The following ARFGEF3 variants were observed in gnomAD, a reference collection of about 807,000 sequenced individuals.
ARFGEF3 encodes brefeldin A-inhibited guanine nucleotide-exchange protein 3.
Under a neutral mutation model 221.7 loss-of-function variants are expected in ARFGEF3, and 96 were observed. The observed-to-expected ratio is 0.43, with a 90% confidence interval of 0.37 to 0.51. The LOEUF is 0.51. ARFGEF3 is among the 20% of genes least tolerant of loss of function. The pLI, the probability that ARFGEF3 is intolerant of heterozygous loss-of-function variation, is 0.00. For missense variants in ARFGEF3, 2,410 were observed against 2,789.9 expected (o/e 0.86, Z 3.07); for synonymous variants, 1,145 against 1,126.8 (o/e 1.02, Z -0.32).
chr6:138,311,750 G>A (rs1423990810), intron 25 of ARFGEF3, among the ~76,000 whole-genome samples: 1 of 152,086 alleles, frequency 6.6e-6, no homozygotes, highest in Non-Finnish European at 1.5e-5. Context: ...TTTCCCTCAC[G>A]CTCAGATGCC....
chr6:138,317,824 C>A (rs571610388), intron 27 of ARFGEF3, among the ~76,000 whole-genome samples: 6 of 152,218 alleles, frequency 3.9e-5, no homozygotes, highest in African/African-American at 7.2e-5. Flanking sequence ...GGTATTAAGG[C>A]AGCAACACCC....
intron 32 of ARFGEF3, among the ~76,000 whole-genome samples, chr6:138,331,635 T>A (rs1780228732): frequency 6.6e-6 from 1 of 152,266 alleles, no homozygotes. Context: ...AGTCAACCAC[T>A]TGTTATGCAA....
chr6:138,169,749 A>G (rs1776791092), intron 1 of ARFGEF3, among the ~76,000 whole-genome samples: 2 of 152,138 alleles, frequency 1.3e-5, no homozygotes, highest in Admixed American at 1.3e-4. Context: ...TTGCTGATTA[A>G]TTGTCTTTCT....
At chr6:138,298,337 C>T (rs1779559553) in intron 21 of ARFGEF3, among the ~76,000 whole-genome samples, 1 of 152,190 alleles carries the variant, frequency 6.6e-6, no homozygotes, top group African/African-American at 2.4e-5. Context: ...TTCAAGAAAA[C>T]TGTCATGTTA....
chr6:138,315,514 C>G (rs551457210), intron 26 of ARFGEF3, among the ~76,000 whole-genome samples: 8 of 152,106 alleles, frequency 5.3e-5, no homozygotes, highest in African/African-American at 1.7e-4. Context: ...GTGGGGGTGG[C>G]TAGGAGATTT....
intron 21 of ARFGEF3, among the ~76,000 whole-genome samples, chr6:138,298,102 C>G (rs1187810848): frequency 6.6e-6 from 1 of 152,204 alleles, no homozygotes; most frequent in Non-Finnish European, 1.5e-5. Flanking sequence ...GCCAAAGCAA[C>G]TCACACATCC....
chr6:138,228,204 T>C (rs1456302627), intron 4 of ARFGEF3, among the ~76,000 whole-genome samples: 2 of 129,782 alleles, frequency 1.5e-5, no homozygotes, highest in African/African-American at 5.8e-5. Context: ...TGAGATGGAG[T>C]CTCACTCTGT....
Position 138,339,175 on chromosome 6 carries a change from A to C in ARFGEF3, c.*2689A>C, listed in dbSNP as rs2114707541. ...CTCAGAGGTATTTGCAGCTTGATGC[A>C]AAGTAGTCTCTAATGAGTAGGCATT... On this transcript the variant is annotated 3_prime_UTR_variant, in exon 34 of 34. Transcript: ENST00000251691. 1 of 152,232 alleles carries C rather than the reference A, an allele frequency of 6.6e-6. No homozygotes were observed. Among genetic ancestry groups the C allele is most frequent in the East Asian group, 1.9e-4 (1 of 5,196 alleles). The allele number at this position is 152,232 out of a possible 1,614,324, so 9.4% of individuals were successfully genotyped here.
Position 138,319,891 on chromosome 6 carries a change from G to A in ARFGEF3, c.4651+12G>A, listed in dbSNP as rs375571902. 1.2e-6 allele frequency: 2 copies of A among 1,612,434 alleles called. No homozygotes were observed. Among genetic ancestry groups the A allele is most frequent in the East Asian group, 4.5e-5 (2 of 44,870 alleles). The stretch of plus-strand genomic sequence containing the variant: ...CTTTCTACATTCAGGTATCTGAAGT[G>A]CCAGAGCAGTTCATTCTGGGTATTT... On this transcript the variant is annotated intron_variant, in intron 28 of 33. Transcript: ENST00000251691.
chr6:138,256,503 ATTAAT>A (rs1300176275), intron 10 of ARFGEF3, among the ~76,000 whole-genome samples: 1 of 152,036 alleles, frequency 6.6e-6, no homozygotes, highest in African/African-American at 2.4e-5. Flanking sequence ...CTTGTTGATG[ATTAAT>A]TTATTTTAAG....
Position 138,263,240 on chromosome 6 carries a change from C to A in ARFGEF3, c.1757C>A (p.Ser586Tyr), listed in dbSNP as rs1027727737. Residue 586 changes from serine to tyrosine, a missense_variant, in exon 12 of 34, where the codon TCC (serine) becomes TAC (tyrosine). Coordinates refer to ENST00000251691, the MANE Select transcript of ARFGEF3 (RefSeq NM_020340.5). ...NFLSVDCRTRSYGSRYSESNF... is the reference protein window; with the variant it reads ...NFLSVDCRTRYYGSRYSESNF... Reference sequence around the variant, plus strand: ...CTGTCAGTAGACTGCAGGACAAGGTCCTATGGATCTAGGTATAGTGAGAGC... The same window carrying A: ...CTGTCAGTAGACTGCAGGACAAGGTACTATGGATCTAGGTATAGTGAGAGC... 3.1e-6 allele frequency: 5 copies of A among 1,613,984 alleles called. No homozygotes were observed. In the East Asian group the frequency reaches 8.9e-5, roughly 29 times the overall value.
At chr6:138,172,512 G>A (rs1776855838) in intron 2 of ARFGEF3, among the ~76,000 whole-genome samples, 1 of 152,136 alleles carries the variant, frequency 6.6e-6, no homozygotes, top group Non-Finnish European at 1.5e-5. Flanking sequence ...GTCCATACTG[G>A]TAAAGGGAGT....
chr6:138,323,633 AAC>A (rs200662940), intron 29 of ARFGEF3, 36 bp from the exon 30 acceptor site: 37,969 of 1,573,992 alleles, frequency 0.024, 254 homozygotes, highest in East Asian at 0.11. Context: ...CAACAACAAC[AAC>A]AAAAAAAAAA....
chr6:138,263,660 G>C, intron 12 of ARFGEF3, 49 bp downstream of exon 12: 1 of 1,502,454 alleles, frequency 6.7e-7, no homozygotes, highest in East Asian at 2.3e-5. Context: ...ATTCAGAGCA[G>C]TTTGCCTTAA....
intron 2 of ARFGEF3, among the ~76,000 whole-genome samples, chr6:138,192,781 T>C (rs1777333047): frequency 6.6e-6 from 1 of 152,198 alleles, no homozygotes; most frequent in Non-Finnish European, 1.5e-5. Flanking sequence ...ATTCTAACAC[T>C]GCTTGAGATA....
intron 12 of ARFGEF3, among the ~76,000 whole-genome samples, chr6:138,277,482 C>T (rs796623531): frequency 2.0e-5 from 3 of 152,320 alleles, no homozygotes; most frequent in African/African-American, 7.2e-5. Context: ...CTGGTTATAT[C>T]GGAGTAGAAT....
At chr6:138,246,398 G>T (rs991384896) in intron 8 of ARFGEF3, among the ~76,000 whole-genome samples, 36 of 152,222 alleles carry the variant, frequency 2.4e-4, no homozygotes, top group African/African-American at 8.7e-4. Flanking sequence ...AATTTTAAAT[G>T]CAGTAATGAG....
intron 4 of ARFGEF3, among the ~76,000 whole-genome samples, chr6:138,219,961 TATATTC>T (rs1309747663): frequency 6.6e-6 from 1 of 152,200 alleles, no homozygotes; most frequent in African/African-American, 2.4e-5. Flanking sequence ...TGTTTATAGT[TATATTC>T]ATTGTGTGTA....
At chr6:138,324,295 T>C (rs1780091181) in intron 31 of ARFGEF3, 141 bp downstream of exon 31, 2 of 937,234 alleles carry the variant, frequency 2.1e-6, no homozygotes, top group Non-Finnish European at 3.2e-6. Flanking sequence ...CTCTTGCCAC[T>C]ACCATTCTTT....
Sources: gnomAD v4.1 joint callset for allele counts (sites outside exome capture counted in the v4.1 genomes callset) on GRCh38, gnomAD v4.1.1 for gene constraint, MANE v1.5 for transcripts, NCBI Gene and HGNC (gene_info 2026-07-23, HGNC 2026-07-21) for gene names.